CLCN7: variants seen among roughly 807,000 people sequenced by gnomAD.
CLCN7 encodes Cl-/H+ antiporter 7.
Under a neutral mutation model 102.1 loss-of-function variants are expected in CLCN7, and 60 were observed. The ratio of observed to expected loss-of-function variants is 0.59; its 90% CI spans 0.48 to 0.73. The LOEUF is 0.73. CLCN7 is among the 30% of genes least tolerant of loss of function. The pLI is 0.00. For synonymous variants in CLCN7, 560 were observed against 490.5 expected, an observed-to-expected ratio of 1.14 and a Z score of -1.87; for missense variants, 962 against 1,125.7, an observed-to-expected ratio of 0.85 and a Z score of 2.08.
intron 1 of CLCN7, 60 bp downstream of exon 1, chr16:1,474,774 G>GCGCT: frequency 8.4e-7 from 1 of 1,185,004 alleles, no homozygotes; most frequent in Non-Finnish European, 1.0e-6. Flanking sequence ...GCTCACGAGG[G>GCGCT]CGCGGGCTGC....
intron 17 of CLCN7, 33 bp downstream of exon 17, chr16:1,450,464 G>GGGCCCCACAGCCTCCCCTCC: frequency 6.4e-7 from 1 of 1,566,112 alleles, no homozygotes; most frequent in Non-Finnish European, 8.7e-7. Context: ...CTCAGCTGCA[G>GGGCCCCACAGCCTCCCCTCC]GGCCCCACAG....
intron 5 of CLCN7, 45 bp from the exon 6 acceptor site, chr16:1,460,572 C>A (rs1444274663): frequency 6.8e-7 from 1 of 1,478,070 alleles, no homozygotes; most frequent in Non-Finnish European, 9.4e-7. Context: ...GTCATGACCA[C>A]CCAGCCCAGA....
chr16:1,457,355 C>T lies in CLCN7; in HGVS notation c.739-18G>A, dbSNP rs371893553. On this transcript the variant is annotated intron_variant, in intron 8 of 24. Transcript: ENST00000382745. This position sits in a 1 kb window ranked among gnomAD's most constrained non-coding sequence, Gnocchi z 5.4. ...GGCCCTTCCTGGAGACCAGAAGGAC[C>T]GGTGCTCAGAGACACGCGTGACGCG... 12 of 1,610,182 alleles carry T rather than the reference C, an allele frequency of 7.5e-6. No homozygotes were observed. Among genetic ancestry groups the T allele is most frequent in the African/African-American group, 1.3e-5 (1 of 74,830 alleles).
At chr16:1,461,750 C>A (rs1033083833) in intron 2 of CLCN7, 76 bp from the exon 3 acceptor site, 13 of 1,244,956 alleles carry the variant, frequency 1.0e-5, no homozygotes, top group Admixed American at 1.9e-5. Context: ...AGCTCACACA[C>A]GAGGCCATTA....
At chr16:1,465,431 G>T (rs1292527856) in intron 1 of CLCN7, 93 bp from the exon 2 acceptor site, 9 of 1,170,242 alleles carry the variant, frequency 7.7e-6, no homozygotes, top group Non-Finnish European at 6.2e-6. Context: ...GGCCTCGCCT[G>T]ACCCTGCCCG....
At chr16:1,465,553 T>C (rs1278588324) in intron 1 of CLCN7, among the ~76,000 whole-genome samples, 4 of 152,132 alleles carry the variant, frequency 2.6e-5, no homozygotes, top group Admixed American at 2.6e-4. Flanking sequence ...CCTCGGCCTG[T>C]CAGCGACACG....
In CLCN7 at chr16:1,447,515, C is replaced by T. The variant is rs1418773664; in HGVS notation, c.2127G>A (p.Lys709=). The change falls in exon 23 of 25, where the codon AAG becomes AAA. Residue 709 remains lysine, a synonymous_variant. Transcript: ENST00000382745. The part of the protein sequence containing the change: ...LGLVQRRLRL[K]DFRDAYPRFP... ...AGCGCGGGTAGGCGTCTCGGAAGTC[C>T]TTCAGCCTCAGGCGCCGCTGTACCA... 4.0e-5 allele frequency: 62 copies of T among 1,555,488 alleles called. No individual in the cohort carries two copies. The highest frequency in any genetic ancestry group is 4.8e-5 in the Non-Finnish European group (55 of 1,149,964).
chr16:1,455,059 T>G, intron 12 of CLCN7, 75 bp downstream of exon 12: 2 of 908,944 alleles, frequency 2.2e-6, no homozygotes, highest in Admixed American at 1.7e-5. Context: ...GACCAAATTC[T>G]CAACCTGGGC....
chr16:1,451,647 C>T lies in CLCN7; in HGVS notation c.1423G>A (p.Val475Met). 6.2e-7 allele frequency: 1 copy of T among 1,612,486 alleles called. No individual in the cohort carries two copies. The part of the protein sequence containing the change: ...AFFNTPEKSV[V>M]SLFHDPPGSY... ...CCTGGCGGGTCGTGGAAGAGGCTCA[C>T]CACGCTCTTCTCCGGGGTGTTGAAG... Residue 475 changes from valine (V) to methionine (M), a missense_variant, in exon 16 of 25, where the codon GTG becomes ATG. This residue lies in a region of CLCN7 where 799 missense variants were observed against 988.0 expected (regional missense o/e 0.81). Transcript: ENST00000382745.
rs567546340 is a variant in CLCN7, at chr16:1,451,024, C to A, written c.1448-358G>T. On this transcript the variant is annotated intron_variant, in intron 16 of 24. Coordinates refer to ENST00000382745, the MANE Select transcript of CLCN7 (RefSeq NM_001287.6). The stretch of plus-strand genomic sequence containing the variant: ...CTGGCTCCGGGAAGAGGGTGCCCCC[C>A]ACAGCCTGGGGTTCCTTTCCTGGAG... 1.8e-3 allele frequency among the ~76,000 whole-genome samples: 273 copies of A among 152,342 alleles called. 1 individual carries two copies. The highest frequency in any genetic ancestry group is 3.0e-3 in the Non-Finnish European group (205 of 68,028).
chr16:1,448,178 C>A (rs1213586173), intron 21 of CLCN7, 177 bp downstream of exon 21: 1 of 886,806 alleles, frequency 1.1e-6, no homozygotes. Context: ...CCCCCCCCAC[C>A]AGCCTCAGCG....
chr16:1,447,849 C>A, intron 21 of CLCN7, 135 bp from the exon 22 acceptor site: 1 of 934,636 alleles, frequency 1.1e-6, no homozygotes, highest in South Asian at 1.5e-5. Flanking sequence ...CGGTGGCTAC[C>A]TGCTCACACC....
At chr16:1,450,249 C>T (rs1462989039) in intron 17 of CLCN7, 19 of 566,270 alleles carry the variant, frequency 3.4e-5, no homozygotes, top group Non-Finnish European at 3.2e-5. Context: ...AATAAGGACA[C>T]GAGCCTCCGC....
chr16:1,468,915 G>A (rs35181641), intron 1 of CLCN7, among the ~76,000 whole-genome samples: 24,848 of 151,900 alleles, frequency 0.16, 2,276 homozygotes, highest in African/African-American at 0.24. Context: ...AAAGGGCTGG[G>A]CACAGTGGCT....
In CLCN7 at chr16:1,450,655, G is replaced by A; in HGVS notation, c.1459C>T (p.Pro487Ser). Reference protein sequence around the residue: ...LFHDPPGSYNPLTLGLFTLVY... With the variant: ...LFHDPPGSYNSLTLGLFTLVY... Reference sequence around the variant, plus strand: ...AGCGTGAACAGGCCGAGGGTCAGGGGGTTGTAGGAGCCTAGGAGAGAAGAG... The same window carrying A: ...AGCGTGAACAGGCCGAGGGTCAGGGAGTTGTAGGAGCCTAGGAGAGAAGAG... The change falls in exon 17 of 25, where the codon CCC (proline) becomes TCC (serine). Residue 487 changes from proline to serine, a missense_variant. Around this residue, in one of 2 missense-constraint regions of CLCN7, gnomAD observed 799 missense variants for 988.0 expected, o/e 0.81. Coordinates refer to ENST00000382745, the MANE Select transcript of CLCN7 (RefSeq NM_001287.6). 6.2e-7 allele frequency: 1 copy of A among 1,610,690 alleles called. No homozygotes were observed. Among genetic ancestry groups the A allele is most frequent in the Non-Finnish European group, 8.5e-7 (1 of 1,178,604 alleles).
At chr16:1,454,533 T>G (rs1397665481) in intron 12 of CLCN7, 68 bp from the exon 13 acceptor site, 5 of 1,438,520 alleles carry the variant, frequency 3.5e-6, no homozygotes, top group Non-Finnish European at 4.9e-6. Context: ...CTGCTGAAAC[T>G]CAAGGACCAC....
intron 1 of CLCN7, among the ~76,000 whole-genome samples, chr16:1,468,460 G>A (rs1480650921): frequency 1.3e-5 from 2 of 152,242 alleles, no homozygotes; most frequent in African/African-American, 4.8e-5. Context: ...AGAACACGAC[G>A]TTTACTTCAA....
Position 1,461,546 on chromosome 16 carries a change from G to A in CLCN7, c.285+57C>T, listed in dbSNP as rs926047193. The stretch of plus-strand genomic sequence containing the variant: ...GGTGCGGGCACAGGGGACCGGGAGT[G>A]GGCTGGCAGGGGGCAGAGGCCGGGT... On this transcript the variant is annotated intron_variant, in intron 3 of 24. Coordinates refer to ENST00000382745, the MANE Select transcript of CLCN7 (RefSeq NM_001287.6). 2.5e-5 allele frequency: 41 copies of A among 1,608,488 alleles called. 1 individual carries two copies. In the South Asian group the frequency reaches 4.2e-4, roughly 16 times the overall value.
At chr16:1,469,628 G>A (rs1202958508) in intron 1 of CLCN7, among the ~76,000 whole-genome samples, 2 of 152,310 alleles carry the variant, frequency 1.3e-5, no homozygotes, top group South Asian at 4.1e-4. Context: ...AGAGGTCGTG[G>A]TAAGCTGAGA....
Sources: gnomAD v4.1 joint callset for allele counts (sites outside exome capture counted in the v4.1 genomes callset) on GRCh38, gnomAD v4.1.1 for gene constraint, gnomAD v4.1.1 regional missense constraint, Gnocchi (gnomAD v3.1) non-coding constraint, MANE v1.5 for transcripts, NCBI Gene and HGNC (gene_info 2026-07-23, HGNC 2026-07-21) for gene names.